The following SPOCK1 variants were observed in gnomAD, a reference collection of about 807,000 sequenced individuals.
SPOCK1 encodes SPARC (osteonectin), cwcv and kazal like domains proteoglycan 1.
Under a neutral mutation model 55.3 loss-of-function variants are expected in SPOCK1, and 23 were observed. The observed-to-expected ratio is 0.42, with a 90% CI of 0.30 to 0.59. The LOEUF is 0.59. SPOCK1 is among the 20% of genes least tolerant of loss of function. The probability of loss-of-function intolerance (pLI) is 0.22; values close to 1 mark genes in which losing one functional copy is unlikely to be tolerated. For synonymous variants in SPOCK1, 226 were observed against 221.0 expected, an observed-to-expected ratio of 1.02 and a Z score of -0.20; for missense variants, 499 against 552.5, an observed-to-expected ratio of 0.90 and a Z score of 0.97.
At chr5:137,276,485 G>A (rs1757070557) in intron 2 of SPOCK1, among the ~76,000 whole-genome samples, 4 of 152,284 alleles carry the variant, frequency 2.6e-5, no homozygotes, top group South Asian at 2.1e-4. Flanking sequence ...CCACACAGAC[G>A]GCAGTCCCTA....
At chr5:137,096,506 G>A (rs1352151506) in intron 5 of SPOCK1, among the ~76,000 whole-genome samples, 1 of 152,142 alleles carries the variant, frequency 6.6e-6, no homozygotes, top group Admixed American at 6.5e-5. Flanking sequence ...ATAAAATCAG[G>A]AGTTTGGGAA....
At chr5:137,265,508 A>G (rs1756830307) in intron 3 of SPOCK1, among the ~76,000 whole-genome samples, 1 of 152,242 alleles carries the variant, frequency 6.6e-6, no homozygotes, top group Non-Finnish European at 1.5e-5. Context: ...AACTACCAGT[A>G]TTCTTCATAG....
chr5:137,051,414 A>G (rs2126997852), intron 6 of SPOCK1, among the ~76,000 whole-genome samples: 1 of 152,348 alleles, frequency 6.6e-6, no homozygotes, highest in African/African-American at 2.4e-5. Context: ...TCCTGTTTGA[A>G]TGCCACTGGC....
intron 5 of SPOCK1, among the ~76,000 whole-genome samples, chr5:137,082,871 C>G (rs1206617243): frequency 4.6e-5 from 7 of 152,296 alleles, no homozygotes; most frequent in Non-Finnish European, 1.5e-5. Context: ...GTCTCCTCCC[C>G]CTCCTACTAA....
intron 2 of SPOCK1, among the ~76,000 whole-genome samples, chr5:137,329,809 T>C (rs1020088743): frequency 6.6e-6 from 1 of 152,186 alleles, no homozygotes; most frequent in Non-Finnish European, 1.5e-5. Context: ...ACTCAGCATA[T>C]CACCCACAGG....
intron 9 of SPOCK1, 110 bp downstream of exon 9, chr5:136,985,030 C>G: frequency 1.8e-6 from 2 of 1,135,636 alleles, no homozygotes; most frequent in South Asian, 2.5e-5. Flanking sequence ...CAAGGCATTT[C>G]TTTCATGAAA....
chr5:137,352,735 C>G (rs1449107403), intron 2 of SPOCK1, among the ~76,000 whole-genome samples: 3 of 152,076 alleles, frequency 2.0e-5, no homozygotes, highest in Non-Finnish European at 2.9e-5. Context: ...GAAAAGGCAG[C>G]CAGAACCATG....
At chr5:137,240,625 C>T (rs1756263141) in intron 3 of SPOCK1, among the ~76,000 whole-genome samples, 2 of 152,178 alleles carry the variant, frequency 1.3e-5, no homozygotes, top group Non-Finnish European at 2.9e-5. Flanking sequence ...GACAAACTCA[C>T]AGAGCTGTCA....
chr5:137,221,162 T>C (rs1007316834), intron 3 of SPOCK1, among the ~76,000 whole-genome samples: 7 of 152,238 alleles, frequency 4.6e-5, no homozygotes, highest in African/African-American at 1.7e-4. Flanking sequence ...AATAGCCTGT[T>C]GCCTTGGAAA....
At chr5:137,287,570 C>T (rs537537769) in intron 2 of SPOCK1, among the ~76,000 whole-genome samples, 2 of 152,352 alleles carry the variant, frequency 1.3e-5, no homozygotes, top group East Asian at 3.9e-4. Flanking sequence ...AGAAACTACA[C>T]TTTCCATTTT....
intron 2 of SPOCK1, among the ~76,000 whole-genome samples, chr5:137,355,288 G>A (rs534236816): frequency 6.6e-6 from 1 of 152,250 alleles, no homozygotes; most frequent in South Asian, 2.1e-4. Flanking sequence ...AAACTCTTGG[G>A]CTCAAGTGAT....
chr5:137,014,195 GT>G (rs199991516), intron 6 of SPOCK1, among the ~76,000 whole-genome samples: 1 of 152,010 alleles, frequency 6.6e-6, no homozygotes, highest in East Asian at 1.9e-4. Flanking sequence ...GCTTTGTTCT[GT>G]TTTTGCCATG....
chr5:137,111,058 C>T (rs1313888906), intron 5 of SPOCK1, among the ~76,000 whole-genome samples: 1 of 152,012 alleles, frequency 6.6e-6, no homozygotes, highest in Non-Finnish European at 1.5e-5. Flanking sequence ...ATATATGACC[C>T]GTGCATCACA....
chr5:137,175,689 C>T (rs1431413656), intron 3 of SPOCK1, among the ~76,000 whole-genome samples: 1 of 152,184 alleles, frequency 6.6e-6, no homozygotes, highest in Non-Finnish European at 1.5e-5. Context: ...AGCTATCTCG[C>T]TTCTCACTAG....
At chr5:137,232,633 CTTCT>C (rs1756088014) in intron 3 of SPOCK1, among the ~76,000 whole-genome samples, 1 of 152,148 alleles carries the variant, frequency 6.6e-6, no homozygotes, top group Non-Finnish European at 1.5e-5. Context: ...CTACTTTATT[CTTCT>C]TTGTCAAAAT....
intron 3 of SPOCK1, among the ~76,000 whole-genome samples, chr5:137,186,472 A>G (rs1169269796): frequency 6.6e-6 from 1 of 152,196 alleles, no homozygotes; most frequent in Admixed American, 6.5e-5. Context: ...ATTCCACTCA[A>G]AGAAAACATC....
intron 2 of SPOCK1, among the ~76,000 whole-genome samples, chr5:137,310,102 C>A (rs1006660055): frequency 1.3e-5 from 2 of 152,196 alleles, no homozygotes; most frequent in African/African-American, 4.8e-5. Flanking sequence ...GCACCACTCA[C>A]TAGCTGTGTG....
chr5:137,130,129 G>A (rs1046744281), intron 4 of SPOCK1, among the ~76,000 whole-genome samples: 12 of 152,126 alleles, frequency 7.9e-5, no homozygotes, highest in African/African-American at 2.7e-4. Flanking sequence ...GACTTCCCTC[G>A]CTGTCATAAC....
chr5:137,125,360 C>T (rs1312730100), intron 4 of SPOCK1, among the ~76,000 whole-genome samples: 1 of 152,166 alleles, frequency 6.6e-6, no homozygotes, highest in African/African-American at 2.4e-5. Context: ...GTGGAGTGTT[C>T]ATTCAGCCAG....
Sources: allele counts gnomAD v4.1 joint callset (sites outside exome capture counted in the v4.1 genomes callset), GRCh38; gene constraint gnomAD v4.1.1; transcripts MANE v1.5; gene names NCBI Gene and HGNC (gene_info 2026-07-23, HGNC 2026-07-21).